The following USP25 variants were observed in gnomAD, a reference collection of about 807,000 sequenced individuals.
USP25 encodes ubiquitin carboxyl-terminal hydrolase 25.
A neutral mutation model predicts 158.5 loss-of-function variants in USP25; 85 were observed. That is an observed-to-expected ratio of 0.54 (90% CI 0.45 to 0.64). USP25 has a LOEUF of 0.64. Among genes scored for constraint, USP25 ranks in the 30% least tolerant of loss-of-function variants. The pLI is 0.00. For missense variants in USP25, 1,242 were observed against 1,327.3 expected, an observed-to-expected ratio of 0.94 and a Z score of 1.00; for synonymous variants, 464 against 460.4, an observed-to-expected ratio of 1.01 and a Z score of -0.10.
At chr21:15,798,835 A>G (rs1047328549) in intron 5 of USP25, among the ~76,000 whole-genome samples, 13 of 151,158 alleles carry the variant, frequency 8.6e-5, no homozygotes, top group African/African-American at 2.7e-4. Context: ...CCAACTGTTG[A>G]TCAAAACCTT....
At chr21:15,823,897 A>G (rs990229978) in intron 10 of USP25, 142 bp from the exon 11 acceptor site, 1 of 763,520 alleles carries the variant, frequency 1.3e-6, no homozygotes, top group Admixed American at 3.6e-5. Flanking sequence ...AGTTTTAACT[A>G]AACTGTGTAC....
chr21:15,730,592 C>T (rs965434930), intron 1 of USP25, among the ~76,000 whole-genome samples, 154 bp downstream of exon 1: 4 of 152,172 alleles, frequency 2.6e-5, no homozygotes, highest in African/African-American at 7.2e-5. Context: ...GGGGGCGTCG[C>T]GCCCAGAGCC....
At chr21:15,778,778 C>T (rs917197032) in intron 4 of USP25, among the ~76,000 whole-genome samples, 1 of 152,046 alleles carries the variant, frequency 6.6e-6, no homozygotes, top group Non-Finnish European at 1.5e-5. Context: ...TAACTGTAAT[C>T]CTCTAAACAA....
chr21:15,819,662 A>G (rs1409534944), intron 10 of USP25, among the ~76,000 whole-genome samples: 2 of 152,150 alleles, frequency 1.3e-5, no homozygotes, highest in Non-Finnish European at 2.9e-5. Flanking sequence ...GTGCTTATCA[A>G]ACAAGTTTCT....
intron 19 of USP25, among the ~76,000 whole-genome samples, chr21:15,848,256 T>G (rs959842104): frequency 6.6e-5 from 10 of 152,188 alleles, no homozygotes; most frequent in African/African-American, 2.4e-4. Flanking sequence ...GTGGAGTAAG[T>G]CATCACCGTT....
intron 1 of USP25, among the ~76,000 whole-genome samples, chr21:15,742,828 G>C (rs911462038): frequency 6.6e-6 from 1 of 152,208 alleles, no homozygotes; most frequent in African/African-American, 2.4e-5. Flanking sequence ...GCCCAGCAGG[G>C]TGCTCTCAGC....
At chr21:15,864,906 G>A in intron 21 of USP25, among the ~76,000 whole-genome samples, 1 of 152,064 alleles carries the variant, frequency 6.6e-6, no homozygotes, top group East Asian at 1.9e-4. Context: ...GGGGAGCAAA[G>A]TCACCCTTAT....
At chr21:15,844,849 T>C (rs1414403867) in intron 18 of USP25, among the ~76,000 whole-genome samples, 1 of 152,142 alleles carries the variant, frequency 6.6e-6, no homozygotes, top group Non-Finnish European at 1.5e-5. Context: ...TGTTGCCTTC[T>C]TTTAATCACT....
chr21:15,792,705 T>G (rs1305952291), intron 5 of USP25, among the ~76,000 whole-genome samples: 1 of 151,644 alleles, frequency 6.6e-6, no homozygotes, highest in Admixed American at 6.6e-5. Flanking sequence ...TATACTTCAG[T>G]GCTAAAATTT....
intron 22 of USP25, among the ~76,000 whole-genome samples, chr21:15,869,627 TCTAA>T (rs996624935): frequency 1.3e-5 from 2 of 152,194 alleles, no homozygotes; most frequent in African/African-American, 2.4e-5. Context: ...GTTAAATAAA[TCTAA>T]CTTTTTTTAG....
At chr21:15,735,803 G>A (rs979123359) in intron 1 of USP25, among the ~76,000 whole-genome samples, 8 of 152,100 alleles carry the variant, frequency 5.3e-5, no homozygotes, top group African/African-American at 1.9e-4. Context: ...GGGCTGAGCT[G>A]CTCATTTAGA....
intron 8 of USP25, among the ~76,000 whole-genome samples, chr21:15,809,864 T>TGTCA (rs2036572132): frequency 6.6e-6 from 1 of 152,056 alleles, no homozygotes; most frequent in African/African-American, 2.4e-5. Context: ...CATGACCCCT[T>TGTCA]GAAGATATTA....
chr21:15,755,891 T>C (rs1487771351), intron 1 of USP25, among the ~76,000 whole-genome samples: 1 of 152,096 alleles, frequency 6.6e-6, no homozygotes, highest in Non-Finnish European at 1.5e-5. Flanking sequence ...CAGGCAATTT[T>C]AGAGGAAGAG....
At chr21:15,785,170 TAATAATAA>T (rs1284966110) in intron 4 of USP25, among the ~76,000 whole-genome samples, 1 of 151,974 alleles carries the variant, frequency 6.6e-6, no homozygotes, top group African/African-American at 2.4e-5. Flanking sequence ...AGTCATTATG[TAATAATAA>T]AATAATCAAT....
rs768586430 is a variant in USP25, at chr21:15,805,162, A to G, written c.684A>G (p.Leu228=). 12 of 1,607,422 alleles carry G rather than the reference A, an allele frequency of 7.5e-6. No individual in the cohort carries two copies. Among genetic ancestry groups the G allele is most frequent in the Non-Finnish European group, 1.0e-5 (12 of 1,177,442 alleles). ...CTTTTATGCGTGAGCTGAGGTATCT[A>G]TTTGCACTTCTTGTTGGTACCAAAA... ...NLPFMRELRY[L]FALLVGTKRK... is the part of the protein sequence containing the mutation. Residue 228 remains leucine (L), a synonymous_variant, in exon 7 of 26, where the codon CTA becomes CTG. Coordinates refer to ENST00000400183, the MANE Select transcript of USP25 (RefSeq NM_001283041.3).
intron 16 of USP25, among the ~76,000 whole-genome samples, chr21:15,832,397 A>G (rs1271944139): frequency 3.3e-5 from 5 of 152,234 alleles, no homozygotes; most frequent in Non-Finnish European, 5.9e-5. Flanking sequence ...TAATCTTTTT[A>G]TATTTAGTCA....
At chr21:15,783,182 C>T (rs775238944) in intron 4 of USP25, among the ~76,000 whole-genome samples, 5 of 149,916 alleles carry the variant, frequency 3.3e-5, no homozygotes, top group African/African-American at 4.9e-5. Flanking sequence ...GAAGACAGAT[C>T]GTTTGAAATA....
At chr21:15,857,906 C>G (rs1424793586) in intron 20 of USP25, among the ~76,000 whole-genome samples, 2 of 152,014 alleles carry the variant, frequency 1.3e-5, no homozygotes, top group Non-Finnish European at 2.9e-5. Context: ...AAAATACTGA[C>G]TAATGCCTCC....
At chr21:15,809,375 A>G (rs916546081) in intron 8 of USP25, among the ~76,000 whole-genome samples, 3 of 151,948 alleles carry the variant, frequency 2.0e-5, no homozygotes, top group Non-Finnish European at 4.4e-5. Context: ...TTCTGCAAAC[A>G]TTTTGTTGGG....
Sources: gnomAD v4.1 joint callset for allele counts (sites outside exome capture counted in the v4.1 genomes callset) on GRCh38, gnomAD v4.1.1 for gene constraint, MANE v1.5 for transcripts, NCBI Gene and HGNC (gene_info 2026-07-23, HGNC 2026-07-21) for gene names.